TRIM14: variants seen among roughly 807,000 people sequenced by gnomAD.
The protein encoded by TRIM14 is tripartite motif containing 14, also known as tripartite motif-containing protein 14.
A neutral mutation model predicts 44.5 loss-of-function variants in TRIM14; 28 were observed. The observed-to-expected ratio is 0.63, with a 90% confidence interval of 0.47 to 0.86. The LOEUF is 0.86. TRIM14 is among the 40% of genes least tolerant of loss of function. The probability of loss-of-function intolerance (pLI) is 0.00; values close to 1 mark genes in which losing one functional copy is unlikely to be tolerated. For synonymous variants in TRIM14, 299 were observed against 269.2 expected, an observed-to-expected ratio of 1.11 and a Z score of -1.08; for missense variants, 607 against 611.1, an observed-to-expected ratio of 0.99 and a Z score of 0.07.
chr9:98,056,759 G>T, the TRIM14 span: 57 of 1,589,208 alleles, frequency 3.6e-5, no homozygotes, highest in African/African-American at 6.6e-4. Context: ...CGGCGGCGGC[G>T]GCGGCCGGAC....
At chr9:98,109,396 T>A (rs1251534225) in intron 2 of TRIM14, among the ~76,000 whole-genome samples, 1 of 152,190 alleles carries the variant, frequency 6.6e-6, no homozygotes, top group Non-Finnish European at 1.5e-5. Flanking sequence ...TAGAATAACA[T>A]CAGCCTCAAG....
the TRIM14 span, among the ~76,000 whole-genome samples, chr9:98,061,482 A>G: frequency 7.2e-5 from 9 of 124,784 alleles, no homozygotes; most frequent in Admixed American, 1.6e-4. Context: ...ATCTCAAATT[A>G]AAAAAAAAAA....
At chr9:98,066,687 A>T (rs1451458412), downstream of TRIM14, among the ~76,000 whole-genome samples, 1 of 148,674 alleles carries the variant, frequency 6.7e-6, no homozygotes, top group East Asian at 2.0e-4. Context: ...GTCTCGCTCT[A>T]TTGCCCAGGC....
chr9:98,056,910 C>G, the TRIM14 span: 13 of 1,608,852 alleles, frequency 8.1e-6, no homozygotes, highest in Non-Finnish European at 9.3e-6. Flanking sequence ...GCGACCTGGA[C>G]GTAGCCAAGC....
Position 98,087,646 on chromosome 9 carries a change from G to C in TRIM14, c.1153C>G (p.Arg385Gly). The change falls in exon 6 of 6, where the codon CGC (arginine) becomes GGC (glycine). Residue 385 changes from arginine to glycine, a missense_variant. By Grantham distance (125) the Arg-to-Gly change is moderately radical (BLOSUM62 -2). Around this residue, in one of 3 missense-constraint regions of TRIM14, gnomAD observed 356 missense variants for 323.0 expected, o/e 1.10. Transcript: ENST00000341469. ...HDGQRSRLRP[R>G]DDLDRLGVFL... ...ACGCCGAGCCGGTCGAGGTCGTCGC[G>C]GGGCCGCAGGCGGCTGCGCTGGCCG... The C allele has an allele frequency of 6.2e-7, 1 of 1,604,672 alleles. No individual in the cohort carries two copies.
rs760019112 is a variant in TRIM14, at chr9:98,100,023, C to T, written c.445G>A (p.Asp149Asn). ...ATGTCAAGTTGCTCTCTGCAAGAGT[C>T]AGCTTGTTCCCTGTACACCTGGAGG... ...LTLQVYREQA[D>N]SCREQLDIMN... Residue 149 changes from aspartate (D) to asparagine (N), a missense_variant, in exon 3 of 6, where the codon GAC becomes AAC. By Grantham distance (23) the Asp-to-Asn change is conservative (BLOSUM62 1). This residue lies in a region of TRIM14 where 246 missense variants were observed against 270.8 expected (regional missense o/e 0.91). Transcript: ENST00000341469. The T allele has an allele frequency of 1.9e-6, 3 of 1,614,206 alleles. No individual in the cohort carries two copies. The highest frequency in any genetic ancestry group is 2.5e-6 in the Non-Finnish European group (3 of 1,180,038).
At chr9:98,038,844 T>C in the TRIM14 span, among the ~76,000 whole-genome samples, 1 of 150,850 alleles carries the variant, frequency 6.6e-6, no homozygotes, top group African/African-American at 2.4e-5. Flanking sequence ...AGGTCAGGAG[T>C]CTGAGACCAG....
chr9:98,101,986 C>T (rs1264525554), intron 2 of TRIM14, among the ~76,000 whole-genome samples: 4 of 134,482 alleles, frequency 3.0e-5, no homozygotes, highest in African/African-American at 8.5e-5. Context: ...CCAGCCTGGG[C>T]GACAATGCAA....
rs1447121941 is a variant in TRIM14 at position 98,095,561 on chromosome 9, C to T, written c.538-532G>A. Among the ~76,000 whole-genome samples the T allele has an allele frequency of 6.6e-6, 1 of 152,180 alleles. No individual in the cohort carries two copies. The highest frequency in any genetic ancestry group is 1.5e-5 in the Non-Finnish European group (1 of 68,030). On this transcript the variant is annotated intron_variant, in intron 3 of 5. Transcript: ENST00000341469. The surrounding 1 kb of genome is among the most constrained non-coding windows in gnomAD (Gnocchi z 4.1). ...GCAGTGCTGACTGAGGGGGTGTGGC[C>T]ACCGCAGGGGACATGTGTCCTGTTT...
Position 98,087,462 on chromosome 9 carries a change from C to A in TRIM14, c.*8G>T. On this transcript the variant is annotated 3_prime_UTR_variant, in exon 6 of 6. Coordinates refer to ENST00000341469, the MANE Select transcript of TRIM14 (RefSeq NM_014788.4). ...CGTACCTGGAGGCTGTCACGCCGGT[C>A]CTGGCCCCTAGGGCAGCCGGGGGAT... 1.2e-6 allele frequency: 2 copies of A among 1,606,290 alleles called. No homozygotes were observed. The highest frequency in any genetic ancestry group is 2.2e-5 in the South Asian group (2 of 90,436).
chr9:98,088,015 G>T lies in TRIM14; in HGVS notation c.794-10C>A, dbSNP rs767223604. ...GTGGGCGTGCGCGCGTCTGCAGGGG[G>T]CGAGACAAGGGACGCACCTGGTGGG... On this transcript the variant is annotated splice_polypyrimidine_tract_variant and intron_variant, in intron 5 of 5. Transcript: ENST00000341469. 5.3e-6 allele frequency: 8 copies of T among 1,509,850 alleles called. No individual in the cohort carries two copies. The African/African-American group carries it at 1.0e-4, about 19-fold the overall frequency. The allele number at this position is 1,509,850 out of a possible 1,614,324, so 93.5% of individuals were successfully genotyped here.
Position 98,086,823 on chromosome 9 carries a change from T to C in TRIM14, c.*647A>G, listed in dbSNP as rs1367441022. On this transcript the variant is annotated 3_prime_UTR_variant, in exon 6 of 6. Transcript: ENST00000341469. ...CTAAGGTGAGGCGCTTGTATTTTTT[T>C]TTGTTATTTCATGGAAACTCCTGGA... 1 of 153,708 alleles carries C rather than the reference T, an allele frequency of 6.5e-6. No homozygotes were observed. The highest frequency in any genetic ancestry group is 1.4e-5 in the Non-Finnish European group (1 of 69,246). 9.5% of individuals were successfully genotyped at this position (153,708 alleles called of 1,614,324 possible).
the TRIM14 span, among the ~76,000 whole-genome samples, chr9:98,051,021 G>A: frequency 1.3e-5 from 2 of 152,108 alleles, no homozygotes; most frequent in South Asian, 4.1e-4. Context: ...TGATCCACCT[G>A]CCTTGGCCTC....
chr9:98,041,412 C>T, the TRIM14 span, among the ~76,000 whole-genome samples: 1 of 151,686 alleles, frequency 6.6e-6, no homozygotes, highest in Non-Finnish European at 1.5e-5. Flanking sequence ...TCTCAAACTC[C>T]GACCTCAGGT....
intron 1 of TRIM14, among the ~76,000 whole-genome samples, chr9:98,116,665 C>T (rs993164797): frequency 4.6e-5 from 7 of 151,392 alleles, no homozygotes; most frequent in Middle Eastern, 3.2e-3. Flanking sequence ...GGTGAAACCC[C>T]GTCTCTACAA....
intron 3 of TRIM14, among the ~76,000 whole-genome samples, chr9:98,097,888 GCATCTTGCCTCTCTTAAAGCA>G (rs1412683074): frequency 6.6e-6 from 1 of 152,204 alleles, no homozygotes; most frequent in Non-Finnish European, 1.5e-5. Flanking sequence ...AACACTTTGT[GCATCTTGCCTCTCTTAAAGCA>G]CAACACCCAT....
chr9:98,106,485 A>G (rs987240978), intron 2 of TRIM14, among the ~76,000 whole-genome samples: 2 of 152,234 alleles, frequency 1.3e-5, no homozygotes, highest in Non-Finnish European at 2.9e-5. Flanking sequence ...CTGCCCCCAC[A>G]TGAGAGTGCA....
chr9:98,112,061 T>C (rs534622904), intron 1 of TRIM14, among the ~76,000 whole-genome samples: 5 of 152,214 alleles, frequency 3.3e-5, no homozygotes, highest in Admixed American at 3.3e-4. Context: ...TATATTTCGA[T>C]CTGTTAACAA....
intron 3 of TRIM14, among the ~76,000 whole-genome samples, chr9:98,096,404 A>G (rs1003525209): frequency 6.6e-6 from 1 of 152,094 alleles, no homozygotes; most frequent in African/African-American, 2.4e-5. Context: ...CGGGGAGGCG[A>G]GAGGGGGCTC....
Sources: allele counts gnomAD v4.1 joint callset (sites outside exome capture counted in the v4.1 genomes callset), GRCh38; gene constraint gnomAD v4.1.1; regional missense constraint gnomAD v4.1.1; non-coding constraint Gnocchi (gnomAD v3.1); transcripts MANE v1.5; gene names NCBI Gene and HGNC (gene_info 2026-07-23, HGNC 2026-07-21).